Variants in CGRRF1 observed in about 807,000 individuals in gnomAD.
CGRRF1 encodes the protein cell growth regulator with RING finger domain protein 1.
CGRRF1 carries 32 observed loss-of-function variants against 37.2 expected under a neutral mutation model. That is an observed-to-expected ratio of 0.86 (90% CI 0.65 to 1.16). The LOEUF (loss-of-function observed/expected upper bound fraction) is 1.16. Among genes scored for constraint, CGRRF1 ranks in the 50% most tolerant of loss-of-function variants. The pLI, the probability that CGRRF1 is intolerant of heterozygous loss-of-function variation, is 0.00. For missense variants in CGRRF1, 391 were observed against 382.6 expected (o/e 1.02, Z -0.18); for synonymous variants, 141 against 140.3 (o/e 1.00, Z -0.04).
intron 4 of CGRRF1, among the ~76,000 whole-genome samples, chr14:54,532,034 C>G (rs1457060391): frequency 1.3e-5 from 2 of 152,130 alleles, no homozygotes; most frequent in East Asian, 3.8e-4. Flanking sequence ...CAAATATTCT[C>G]CTTTCACAGA....
At position 54,538,435 on chromosome 14, in the gene CGRRF1, T is replaced by C. The variant is rs751704108; in HGVS notation, c.*52T>C. On this transcript the variant is annotated 3_prime_UTR_variant, in exon 6 of 6. Coordinates refer to ENST00000216420, the MANE Select transcript of CGRRF1 (RefSeq NM_006568.3). ...TTTCTACTAAAGATGCAGAAATTGATGATCTTGGAATTCATCATAACATGG... is the reference window on the plus strand; with the variant it reads ...TTTCTACTAAAGATGCAGAAATTGACGATCTTGGAATTCATCATAACATGG... The C allele has an allele frequency of 5.2e-6, 7 of 1,334,848 alleles. No homozygotes were observed. Among genetic ancestry groups the C allele is most frequent in the Non-Finnish European group, 7.3e-6 (7 of 958,274 alleles). 82.7% of individuals were successfully genotyped at this position (1,334,848 alleles called of 1,614,324 possible). A position where few individuals can be genotyped will look rare whatever the true frequency, so the allele number is the denominator to read the frequency against.
chr14:54,510,135 C>A, intron 1 of CGRRF1, 72 bp downstream of exon 1: 2 of 1,190,316 alleles, frequency 1.7e-6, no homozygotes, highest in Non-Finnish European at 1.2e-6. Flanking sequence ...CAGCAGGGGG[C>A]ACCGGAGCCG....
chr14:54,525,166 A>G (rs1292591486), intron 2 of CGRRF1, among the ~76,000 whole-genome samples: 1 of 152,332 alleles, frequency 6.6e-6, no homozygotes. Flanking sequence ...AGGACCCGCA[A>G]TGAAAAACCT....
intron 2 of CGRRF1, among the ~76,000 whole-genome samples, chr14:54,523,908 T>C (rs987634855): frequency 3.9e-5 from 6 of 152,202 alleles, no homozygotes; most frequent in African/African-American, 1.2e-4. Flanking sequence ...ACATTTCTGG[T>C]TTCTTGAAAA....
chr14:54,532,128 T>G (rs905432537), intron 4 of CGRRF1, among the ~76,000 whole-genome samples: 13 of 152,086 alleles, frequency 8.5e-5, no homozygotes, highest in Non-Finnish European at 1.3e-4. Context: ...TTGTGTGTGT[T>G]TGTTTGTTTT....
At chr14:54,522,731 GTACTGTATATGACAGA>G in intron 2 of CGRRF1, 138 bp downstream of exon 2, 1 of 799,468 alleles carries the variant, frequency 1.3e-6, no homozygotes, top group Non-Finnish European at 2.0e-6. Context: ...TCCAGGTGCT[GTACTGTATATGACAGA>G]TACAAAGATT....
At chr14:54,533,248 T>A (rs932664682) in intron 4 of CGRRF1, among the ~76,000 whole-genome samples, 4 of 152,004 alleles carry the variant, frequency 2.6e-5, no homozygotes, top group African/African-American at 7.2e-5. Context: ...CAGAGAAGAG[T>A]TTGCTCTCAG....
rs11555278 is a variant in CGRRF1, at chr14:54,538,539, A to T, written c.*156A>T. 16 of 521,426 alleles carry T rather than the reference A, an allele frequency of 3.1e-5. No individual in the cohort carries two copies. The highest frequency in any genetic ancestry group is 5.2e-5 in the Non-Finnish European group (16 of 305,068). 32.3% of individuals were successfully genotyped at this position (521,426 alleles called of 1,614,324 possible). On this transcript the variant is annotated 3_prime_UTR_variant, in exon 6 of 6. Transcript: ENST00000216420. The stretch of plus-strand genomic sequence containing the variant: ...GGTACTTGGATGATAAAAATTAATT[A>T]TTCCTTTCTGCTTAGTGAATGAATA...
intron 3 of CGRRF1, 92 bp from the exon 4 acceptor site, chr14:54,530,811 T>C (rs2032500424): frequency 1.8e-6 from 2 of 1,086,996 alleles, no homozygotes; most frequent in East Asian, 4.7e-5. Flanking sequence ...TTAGACTTCT[T>C]ATGGATAAAG....
At position 54,538,911 on chromosome 14, in the gene CGRRF1, T is replaced by C. The variant is rs1056493243; in HGVS notation, c.*528T>C. On this transcript the variant is annotated 3_prime_UTR_variant, in exon 6 of 6. Transcript: ENST00000216420. Reference sequence around the variant, plus strand: ...TCTAATGTCCCTTATTATAGTTACGTAAATACAGGTCATAGTTTTAAATAT... The same window carrying C: ...TCTAATGTCCCTTATTATAGTTACGCAAATACAGGTCATAGTTTTAAATAT... 6.5e-6 allele frequency: 1 copy of C among 152,718 alleles called. No individual in the cohort carries two copies. Among genetic ancestry groups the C allele is most frequent in the African/African-American group, 2.4e-5 (1 of 41,452 alleles). 9.5% of individuals were successfully genotyped at this position (152,718 alleles called of 1,614,324 possible).
rs1335252877 is a variant in CGRRF1, at chr14:54,538,252, AG to A, written c.869del (p.Arg290AsnfsTer10). On this transcript the variant is annotated frameshift_variant, in exon 6 of 6. Coordinates refer to ENST00000216420, the MANE Select transcript of CGRRF1 (RefSeq NM_006568.3). LOFTEE classifies it high-confidence loss of function. ...GTVNWVLLPC[R>X]HTCLCDGCVK... ...TGTGAACTGGGTACTCTTACCATGC[AG>A]ACACACATGCCTGTGTGATGGCTGT... 3.7e-6 allele frequency: 6 copies of A among 1,614,194 alleles called. No homozygotes were observed. Among genetic ancestry groups the A allele is most frequent in the Non-Finnish European group, 5.1e-6 (6 of 1,180,010 alleles).
intron 1 of CGRRF1, among the ~76,000 whole-genome samples, chr14:54,518,916 G>A (rs986125830): frequency 3.9e-5 from 6 of 151,978 alleles, no homozygotes; most frequent in Admixed American, 6.6e-5. Flanking sequence ...TCCAGACCAG[G>A]ACTAGGTTTT....
chr14:54,529,979 A>G, intron 2 of CGRRF1, 70 bp from the exon 3 acceptor site: 2 of 1,287,864 alleles, frequency 1.6e-6, no homozygotes, highest in South Asian at 1.5e-5. Context: ...AGCTTTTGTT[A>G]CTCACCCTGT....
chr14:54,520,574 G>A (rs186603508), intron 1 of CGRRF1, among the ~76,000 whole-genome samples: 3 of 152,244 alleles, frequency 2.0e-5, no homozygotes, highest in African/African-American at 2.4e-5. Flanking sequence ...CTGTACTTCC[G>A]GAAGCAACCA....
chr14:54,530,126 T>A lies in CGRRF1; in HGVS notation c.322T>A (p.Tyr108Asn), dbSNP rs753653638. The A allele has an allele frequency of 6.8e-6, 11 of 1,613,498 alleles. No homozygotes were observed. In the African/African-American group the frequency reaches 1.5e-4, roughly 22 times the overall value. The change falls in exon 3 of 6, where the codon TAT (tyrosine) becomes AAT (asparagine). Residue 108 changes from tyrosine to asparagine, a missense_variant. By Grantham distance (143) the Tyr-to-Asn change is moderately radical. Transcript: ENST00000216420. ...CYWGCSVQKL[Y>N]EALQKHVYCF... ...CTGGGGGTGCAGTGTTCAAAAATTATATGAAGCTCTGCAGAAGCATGTTTA... is the reference window on the plus strand; with the variant it reads ...CTGGGGGTGCAGTGTTCAAAAATTAAATGAAGCTCTGCAGAAGCATGTTTA...
intron 2 of CGRRF1, among the ~76,000 whole-genome samples, chr14:54,525,018 G>A (rs1359890068): frequency 2.0e-5 from 3 of 152,124 alleles, no homozygotes; most frequent in African/African-American, 4.8e-5. Context: ...CTTCACTTCA[G>A]CCTGGGTGAC....
At chr14:54,526,869 C>T (rs1474762439) in intron 2 of CGRRF1, among the ~76,000 whole-genome samples, 1 of 152,168 alleles carries the variant, frequency 6.6e-6, no homozygotes, top group African/African-American at 2.4e-5. Context: ...CATGAATGGT[C>T]TCCTTGTTTT....
At chr14:54,514,008 C>T (rs547961361) in intron 1 of CGRRF1, among the ~76,000 whole-genome samples, 1 of 152,202 alleles carries the variant, frequency 6.6e-6, no homozygotes, top group Non-Finnish European at 1.5e-5. Flanking sequence ...CACTCTGAGC[C>T]TCCATTGTTG....
At chr14:54,510,937 T>C (rs959798365) in intron 1 of CGRRF1, among the ~76,000 whole-genome samples, 2 of 152,212 alleles carry the variant, frequency 1.3e-5, no homozygotes, top group African/African-American at 4.8e-5. Flanking sequence ...ATAACAGCCA[T>C]GGTCTGAAGA....
Sources: gnomAD v4.1 joint callset for allele counts (sites outside exome capture counted in the v4.1 genomes callset) on GRCh38, gnomAD v4.1.1 for gene constraint, MANE v1.5 for transcripts, NCBI Gene and HGNC (gene_info 2026-07-23, HGNC 2026-07-21) for gene names.